The following CSMD1 variants were observed in gnomAD, a reference collection of about 807,000 sequenced individuals.
CSMD1 encodes the protein CUB and sushi domain-containing protein 1.
CSMD1 carries 213 observed loss-of-function variants against 417.5 expected under a neutral mutation model. The ratio of observed to expected loss-of-function variants is 0.51; its 90% CI spans 0.46 to 0.57. The LOEUF (loss-of-function observed/expected upper bound fraction) is 0.57, where lower values mean the gene tolerates loss of function less well. Among genes scored for constraint, CSMD1 ranks in the 20% least tolerant of loss-of-function variants. The probability of loss-of-function intolerance (pLI) is 0.00; values close to 1 mark genes in which losing one functional copy is unlikely to be tolerated. For synonymous variants in CSMD1, 2,862 were observed against 1,736.8 expected (o/e 1.65, Z -16.11); for missense variants, 6,923 against 4,529.7 (o/e 1.53, Z -15.17).
chr8:4,955,371 A>G (rs1364874916), intron 1 of CSMD1, among the ~76,000 whole-genome samples: 5 of 151,926 alleles, frequency 3.3e-5, no homozygotes, highest in Non-Finnish European at 7.4e-5. Flanking sequence ...TTTTATTATG[A>G]TTGGTGTCTT....
At chr8:3,851,943 G>A (rs1803939295) in intron 5 of CSMD1, among the ~76,000 whole-genome samples, 1 of 152,124 alleles carries the variant, frequency 6.6e-6, no homozygotes, top group African/African-American at 2.4e-5. Context: ...AAGAATATGT[G>A]AGCTAGAGAG....
At chr8:3,181,314 C>T (rs958770239) in intron 36 of CSMD1, 100 bp from the exon 37 acceptor site, 2 of 786,436 alleles carry the variant, frequency 2.5e-6, no homozygotes, top group African/African-American at 1.7e-5. Context: ...CAAATCCCTA[C>T]AGTTTGTCTG....
chr8:3,041,798 C>T, intron 50 of CSMD1, among the ~76,000 whole-genome samples: 1 of 143,244 alleles, frequency 7.0e-6, no homozygotes, highest in Non-Finnish European at 1.6e-5. Context: ...GTCACAGCTT[C>T]TTTCTGGCAG....
At chr8:3,617,414 T>C (rs1200506496) in intron 7 of CSMD1, among the ~76,000 whole-genome samples, 1 of 152,204 alleles carries the variant, frequency 6.6e-6, no homozygotes, top group Non-Finnish European at 1.5e-5. Flanking sequence ...AGAGTAGCTC[T>C]CACTTCAACA....
At chr8:4,127,398 G>A (rs1288559980) in intron 3 of CSMD1, among the ~76,000 whole-genome samples, 2 of 139,384 alleles carry the variant, frequency 1.4e-5, no homozygotes, top group Admixed American at 7.6e-5. Flanking sequence ...TCTCCAATCT[G>A]GAAAATCTAA....
chr8:4,463,795 T>C (rs1304197347), intron 2 of CSMD1, among the ~76,000 whole-genome samples: 1 of 152,116 alleles, frequency 6.6e-6, no homozygotes, highest in African/African-American at 2.4e-5. Context: ...TTTTTTGCAT[T>C]AAACATCTTC....
chr8:4,043,548 T>C (rs888609921), intron 3 of CSMD1, among the ~76,000 whole-genome samples: 3 of 152,058 alleles, frequency 2.0e-5, no homozygotes, highest in Admixed American at 6.6e-5. Context: ...AAAAGACAAA[T>C]AGCTTTATGT....
intron 5 of CSMD1, among the ~76,000 whole-genome samples, chr8:3,775,725 G>T (rs1563067994): frequency 6.6e-6 from 1 of 152,196 alleles, no homozygotes; most frequent in Non-Finnish European, 1.5e-5. Flanking sequence ...CAAACACACA[G>T]TTCAAATGAT....
rs938524422 is a variant in CSMD1, at chr8:4,146,249, C to G, written c.416-114150G>C. 3.3e-5 allele frequency among the ~76,000 whole-genome samples: 5 copies of G among 151,014 alleles called. 1 individual carries two copies. The highest frequency in any genetic ancestry group is 1.2e-4 in the African/African-American group (5 of 40,368). ...CTTGGAGAAAACCTCTCCCAGGACC[C>G]TCATCCACTCGAGGCAGTAATTCGC... On this transcript the variant is annotated intron_variant, in intron 3 of 69. Coordinates refer to ENST00000635120, the MANE Select transcript of CSMD1 (RefSeq NM_033225.6).
chr8:3,729,306 G>C (rs772561986), intron 6 of CSMD1, among the ~76,000 whole-genome samples: 44 of 152,314 alleles, frequency 2.9e-4, no homozygotes, highest in Non-Finnish European at 4.6e-4. Context: ...GTGCAGGGCA[G>C]ATGCTGTCTG....
chr8:3,217,795 C>A (rs1380214372), intron 29 of CSMD1, among the ~76,000 whole-genome samples: 2 of 152,084 alleles, frequency 1.3e-5, no homozygotes, highest in Non-Finnish European at 2.9e-5. Context: ...CAATTTTCTA[C>A]TTAAAACTAT....
intron 3 of CSMD1, among the ~76,000 whole-genome samples, chr8:4,156,873 T>C (rs943223487): frequency 6.6e-6 from 1 of 152,168 alleles, no homozygotes; most frequent in African/African-American, 2.4e-5. Flanking sequence ...AGCTTAAGTC[T>C]CCTCATACAT....
intron 18 of CSMD1, among the ~76,000 whole-genome samples, chr8:3,380,312 A>T (rs1181244126): frequency 1.3e-5 from 2 of 152,204 alleles, no homozygotes; most frequent in African/African-American, 4.8e-5. Flanking sequence ...TAGTTCAACC[A>T]TTGTGGAAGA....
intron 2 of CSMD1, among the ~76,000 whole-genome samples, chr8:4,574,863 A>G (rs1193319669): frequency 2.0e-5 from 3 of 152,252 alleles, no homozygotes; most frequent in Non-Finnish European, 2.9e-5. Context: ...TCTTCGTCCA[A>G]AATTTAATTT....
chr8:3,410,957 G>A (rs926278972), intron 12 of CSMD1, among the ~76,000 whole-genome samples: 34 of 152,126 alleles, frequency 2.2e-4, no homozygotes, highest in Non-Finnish European at 4.4e-5. Flanking sequence ...AAAATGCCCT[G>A]AAGGAAGATG....
At chr8:4,190,704 C>T (rs185830327) in intron 3 of CSMD1, among the ~76,000 whole-genome samples, 27 of 152,156 alleles carry the variant, frequency 1.8e-4, no homozygotes, top group Admixed American at 1.7e-3. Flanking sequence ...AATTAACAAA[C>T]ATTTTACAGA....
chr8:3,913,020 A>C (rs1366947064), intron 5 of CSMD1, among the ~76,000 whole-genome samples: 1 of 152,166 alleles, frequency 6.6e-6, no homozygotes, highest in Non-Finnish European at 1.5e-5. Flanking sequence ...ATAATGAGCT[A>C]AGGCGTGGAG....
intron 12 of CSMD1, among the ~76,000 whole-genome samples, chr8:3,411,802 A>G (rs1186571942): frequency 1.6e-5 from 2 of 125,374 alleles, no homozygotes; most frequent in African/African-American, 3.0e-5. Flanking sequence ...ACACGTATAT[A>G]TACACGTATA....
intron 3 of CSMD1, among the ~76,000 whole-genome samples, chr8:4,146,982 G>T (rs1326457534): frequency 6.6e-6 from 1 of 151,810 alleles, no homozygotes; most frequent in Non-Finnish European, 1.5e-5. Flanking sequence ...TAAGAGCTCC[G>T]CCAGCACTTC....
Sources: gnomAD v4.1 joint callset for allele counts (sites outside exome capture counted in the v4.1 genomes callset) on GRCh38, gnomAD v4.1.1 for gene constraint, MANE v1.5 for transcripts, NCBI Gene and HGNC (gene_info 2026-07-23, HGNC 2026-07-21) for gene names.